Variants in WWOX observed in about 807,000 individuals in gnomAD.
WWOX encodes the protein WW domain containing oxidoreductase.
Under a neutral mutation model 46.2 loss-of-function variants are expected in WWOX, and 69 were observed. That is an observed-to-expected ratio of 1.49 (90% CI 1.23 to 1.82). The LOEUF (loss-of-function observed/expected upper bound fraction) is 1.82, where lower values mean the gene tolerates loss of function less well. WWOX is among the 40% of genes most tolerant of loss of function. The probability of loss-of-function intolerance (pLI) is 0.00; values close to 1 mark genes in which losing one functional copy is unlikely to be tolerated. For missense variants in WWOX, 919 were observed against 542.6 expected, an observed-to-expected ratio of 1.69 and a Z score of -6.89; for synonymous variants, 359 against 202.6, an observed-to-expected ratio of 1.77 and a Z score of -6.56.
chr16:78,496,638 G>T (rs1476826367), intron 8 of WWOX, among the ~76,000 whole-genome samples: 1 of 152,206 alleles, frequency 6.6e-6, no homozygotes, highest in Non-Finnish European at 1.5e-5. Flanking sequence ...AGGGAGGGAT[G>T]CATTCTATGC....
chr16:78,522,710 G>A (rs1353298168), intron 8 of WWOX, among the ~76,000 whole-genome samples: 1 of 152,362 alleles, frequency 6.6e-6, no homozygotes, highest in East Asian at 1.9e-4. Flanking sequence ...TCGGGGCAAG[G>A]TTACAACAGA....
intron 8 of WWOX, among the ~76,000 whole-genome samples, chr16:78,530,801 C>G (rs147455252): frequency 6.6e-6 from 1 of 152,312 alleles, no homozygotes; most frequent in African/African-American, 2.4e-5. Context: ...AGATTGGCAT[C>G]TAGCTGCTGC....
rs1597382868 is a variant in WWOX, at chr16:78,234,262, C to A, written c.516+69973C>A. Among the ~76,000 whole-genome samples, 4 of 152,188 alleles carry A rather than the reference C, an allele frequency of 2.6e-5. No individual in the cohort carries two copies. In the South Asian group the frequency reaches 8.3e-4, roughly 32 times the overall value. On this transcript the variant is annotated intron_variant, in intron 5 of 8. Transcript: ENST00000566780. ...CAAAATGCTCTAATCCCTAAATTTTCCAGTCTAGGTTATTATACTTTTATG... is the reference window on the plus strand; with the variant it reads ...CAAAATGCTCTAATCCCTAAATTTTACAGTCTAGGTTATTATACTTTTATG...
chr16:79,032,239 G>A (rs1391344408), intron 8 of WWOX, among the ~76,000 whole-genome samples: 1 of 144,922 alleles, frequency 6.9e-6, no homozygotes, highest in Non-Finnish European at 1.5e-5. Flanking sequence ...TATGTATAGA[G>A]AGTCTATTAT....
chr16:79,079,557 C>A (rs373923157), intron 8 of WWOX, among the ~76,000 whole-genome samples: 1 of 152,156 alleles, frequency 6.6e-6, no homozygotes, highest in Non-Finnish European at 1.5e-5. Flanking sequence ...CCCTAGTCAC[C>A]TGGTGCTTTA....
intron 8 of WWOX, among the ~76,000 whole-genome samples, chr16:79,074,408 C>CTTTTT: frequency 1.6e-5 from 1 of 63,570 alleles, no homozygotes. Flanking sequence ...TGTCACTAGT[C>CTTTTT]CTTTTTTTTT....
chr16:79,071,877 T>C (rs1007431062), intron 8 of WWOX, among the ~76,000 whole-genome samples: 12 of 152,214 alleles, frequency 7.9e-5, no homozygotes, highest in Non-Finnish European at 1.8e-4. Context: ...ACCAACTCCA[T>C]GTCTGGTGCA....
At chr16:78,929,700 T>A (rs1169595927) in intron 8 of WWOX, among the ~76,000 whole-genome samples, 1 of 152,086 alleles carries the variant, frequency 6.6e-6, no homozygotes, top group Non-Finnish European at 1.5e-5. Flanking sequence ...CAGGAAAGAT[T>A]TCAGGAAGAG....
chr16:79,079,615 A>C lies in WWOX; in HGVS notation c.1057-131993A>C, dbSNP rs377762144. On this transcript the variant is annotated intron_variant, in intron 8 of 8. Coordinates refer to ENST00000566780, the MANE Select transcript of WWOX (RefSeq NM_016373.4). ...AACTTTCCTTAAATGTTCGGCTTTG[A>C]CCTGTCATTCACTAAGTCTTTCACC... 2.2e-4 allele frequency among the ~76,000 whole-genome samples: 34 copies of C among 152,254 alleles called. 2 individuals carry two copies. The highest frequency in any genetic ancestry group is 7.7e-4 in the African/African-American group (32 of 41,548).
At chr16:79,112,145 G>A (rs901058034) in intron 8 of WWOX, among the ~76,000 whole-genome samples, 1 of 152,050 alleles carries the variant, frequency 6.6e-6, no homozygotes, top group East Asian at 1.9e-4. Flanking sequence ...CTACCAACAT[G>A]AGAAGCTAGG....
intron 8 of WWOX, among the ~76,000 whole-genome samples, chr16:79,029,174 C>T (rs2047704172): frequency 6.6e-6 from 1 of 152,130 alleles, no homozygotes; most frequent in Non-Finnish European, 1.5e-5. Flanking sequence ...CTGGAGGCCC[C>T]AGGCTGGGAC....
chr16:79,074,827 A>T (rs1482804040), intron 8 of WWOX, among the ~76,000 whole-genome samples: 1 of 152,182 alleles, frequency 6.6e-6, no homozygotes, highest in African/African-American at 2.4e-5. Context: ...GAACTCAGAA[A>T]ATGGAGATAA....
chr16:79,169,100 A>G (rs1442181469), intron 8 of WWOX, among the ~76,000 whole-genome samples: 2 of 152,146 alleles, frequency 1.3e-5, no homozygotes, highest in African/African-American at 4.8e-5. Flanking sequence ...ATCCCACTTA[A>G]TCCTCCACTT....
intron 8 of WWOX, among the ~76,000 whole-genome samples, chr16:79,184,373 A>T (rs1409888167): frequency 1.3e-5 from 2 of 152,192 alleles, no homozygotes; most frequent in Non-Finnish European, 2.9e-5. Context: ...ATGTAGGAAC[A>T]AAGTGTGTCC....
chr16:79,185,435 A>G (rs1362537344), intron 8 of WWOX, among the ~76,000 whole-genome samples: 1 of 152,192 alleles, frequency 6.6e-6, no homozygotes, highest in Admixed American at 6.5e-5. Flanking sequence ...TAACTGGGAG[A>G]CAATTTTTTT....
At chr16:78,184,120 A>G (rs529653992) in intron 5 of WWOX, among the ~76,000 whole-genome samples, 1 of 152,176 alleles carries the variant, frequency 6.6e-6, no homozygotes, top group Admixed American at 6.5e-5. Context: ...CTTCCACCAT[A>G]TCAGAAGGTC....
intron 8 of WWOX, among the ~76,000 whole-genome samples, chr16:79,087,916 C>T (rs1029388595): frequency 3.9e-5 from 6 of 152,122 alleles, no homozygotes; most frequent in African/African-American, 1.2e-4. Context: ...TCAAGGAGGC[C>T]TAGGGACCCT....
intron 8 of WWOX, among the ~76,000 whole-genome samples, chr16:78,793,600 ATTG>A (rs2050664727): frequency 1.3e-5 from 2 of 152,160 alleles, no homozygotes; most frequent in African/African-American, 4.8e-5. Flanking sequence ...GGTAACCTTT[ATTG>A]TTTAAATATT....
At chr16:79,089,687 G>A (rs1208066062) in intron 8 of WWOX, among the ~76,000 whole-genome samples, 1 of 152,168 alleles carries the variant, frequency 6.6e-6, no homozygotes, top group East Asian at 1.9e-4. Flanking sequence ...TGGTGCACTA[G>A]AGAAATGTTT....
Sources: gnomAD v4.1 joint callset for allele counts (sites outside exome capture counted in the v4.1 genomes callset) on GRCh38, gnomAD v4.1.1 for gene constraint, MANE v1.5 for transcripts, NCBI Gene and HGNC (gene_info 2026-07-23, HGNC 2026-07-21) for gene names.